ESRP1: variants seen among roughly 807,000 people sequenced by gnomAD.
ESRP1 encodes RNA-binding motif protein 35A.
A neutral mutation model predicts 81.7 loss-of-function variants in ESRP1; 33 were observed. The observed-to-expected ratio is 0.40, with a 90% CI of 0.31 to 0.54. The LOEUF is 0.54. ESRP1 is among the 20% of genes least tolerant of loss of function. The probability of loss-of-function intolerance (pLI) is 0.41; values close to 1 mark genes in which losing one functional copy is unlikely to be tolerated. For synonymous variants in ESRP1, 320 were observed against 303.3 expected, an observed-to-expected ratio of 1.06 and a Z score of -0.57; for missense variants, 672 against 833.1, an observed-to-expected ratio of 0.81 and a Z score of 2.38.
intron 8 of ESRP1, 39 bp from the exon 9 acceptor site, chr8:94,665,115 G>A (rs765244651): frequency 8.7e-6 from 14 of 1,613,466 alleles, no homozygotes; most frequent in East Asian, 4.5e-5. Flanking sequence ...AACATAGGAC[G>A]GAAGGCTCAG....
Position 94,674,311 on chromosome 8 carries a change from C to G in ESRP1, c.1456C>G (p.Arg486Gly). ...GVHMVLNHQGRPSGDAFIQMK... is the reference protein window; with the variant it reads ...GVHMVLNHQGGPSGDAFIQMK... ...TATTCTTCCCCCACACACTCAGGGC[C>G]GCCCATCAGGAGATGCCTTTATCCA... is the stretch of plus-strand genomic sequence containing the variant. The change falls in exon 12 of 16, where the codon CGC becomes GGC. Residue 486 changes from arginine to glycine, a missense_variant. Arg to Gly is a moderately radical substitution (Grantham distance 125). Coordinates refer to ENST00000433389, the MANE Select transcript of ESRP1 (RefSeq NM_017697.4). 1 of 1,613,326 alleles carries G rather than the reference C, an allele frequency of 6.2e-7. No homozygotes were observed. The highest frequency in any genetic ancestry group is 8.5e-7 in the Non-Finnish European group (1 of 1,179,718).
chr8:94,676,190 C>G (rs1250323021), intron 12 of ESRP1, among the ~76,000 whole-genome samples: 2 of 151,808 alleles, frequency 1.3e-5, no homozygotes, highest in Non-Finnish European at 2.9e-5. Flanking sequence ...GTGAAACCCC[C>G]TCTCTACTAA....
intron 4 of ESRP1, among the ~76,000 whole-genome samples, chr8:94,651,987 C>CTTTTTTTTTTTTTTT (rs35903773): frequency 4.6e-5 from 3 of 65,222 alleles, no homozygotes; most frequent in Admixed American, 2.2e-4. Context: ...TCTAAAACGC[C>CTTTTTTTTTTTTTTT]TTTTTTTTTT....
intron 12 of ESRP1, among the ~76,000 whole-genome samples, chr8:94,675,068 T>TG: frequency 6.6e-6 from 1 of 152,364 alleles, no homozygotes; most frequent in Non-Finnish European, 1.5e-5. Flanking sequence ...AAGTTTCCAT[T>TG]GGATCACAGG....
chr8:94,655,017 G>C (rs1818325209), intron 4 of ESRP1, among the ~76,000 whole-genome samples: 1 of 151,630 alleles, frequency 6.6e-6, no homozygotes, highest in Non-Finnish European at 1.5e-5. Context: ...GACAAAACTA[G>C]GGTTTTAAGT....
At chr8:94,641,557 G>A in intron 1 of ESRP1, 107 bp downstream of exon 1, 3 of 1,478,092 alleles carry the variant, frequency 2.0e-6, no homozygotes, top group Admixed American at 1.7e-5. Context: ...GCTCTTGTTT[G>A]CCCACTTGTG....
chr8:94,680,497 G>T (rs1586230014), intron 13 of ESRP1, among the ~76,000 whole-genome samples: 1 of 152,098 alleles, frequency 6.6e-6, no homozygotes, highest in South Asian at 2.1e-4. Context: ...GCGTGATCTT[G>T]TCTCACCACA....
intron 13 of ESRP1, among the ~76,000 whole-genome samples, chr8:94,684,928 C>T (rs1809076367): frequency 6.6e-6 from 1 of 151,524 alleles, no homozygotes; most frequent in Non-Finnish European, 1.5e-5. Context: ...ACCTGGGAGG[C>T]TGAGGCTAGA....
rs1182868166 is a variant in ESRP1 at position 94,668,092 on chromosome 8, A to G, written c.1075A>G (p.Ile359Val). 3 of 1,613,908 alleles carry G rather than the reference A, an allele frequency of 1.9e-6. No homozygotes were observed. The highest frequency in any genetic ancestry group is 2.5e-6 in the Non-Finnish European group (3 of 1,179,890). The part of the protein sequence containing the change: ...HCPITGGKEG[I>V]LFVTYPDGRP... ...CCCTATTACTGGGGGAAAGGAAGGC[A>G]TCCTCTTTGTCACCTACCCAGATGG... Residue 359 changes from isoleucine to valine, a missense_variant, in exon 10 of 16, where the codon ATC becomes GTC. Physicochemically the swap from Ile to Val is conservative, Grantham distance 29 (BLOSUM62 3). Transcript: ENST00000433389.
chr8:94,641,466 T>C lies in ESRP1; in HGVS notation c.132+16T>C, dbSNP rs762341238. On this transcript the variant is annotated intron_variant, in intron 1 of 15. Transcript: ENST00000433389. ...CAACAAGAAGGTATTTCTCCACATT[T>C]TCGTCTAAATGCAAGGAATGGGGCA... The C allele has an allele frequency of 6.2e-7, 1 of 1,613,662 alleles. No homozygotes were observed. Among genetic ancestry groups the C allele is most frequent in the South Asian group, 1.1e-5 (1 of 91,066 alleles).
rs191499237 is a variant in ESRP1 at position 94,652,843 on chromosome 8, T to A, written c.490+6561T>A. On this transcript the variant is annotated intron_variant, in intron 4 of 15. Coordinates refer to ENST00000433389, the MANE Select transcript of ESRP1 (RefSeq NM_017697.4). ...TCAGTGGGGAGCTTTCATCCCCATT[T>A]TATCACTAGGGAAACTGAGGCTTAG... Among the ~76,000 whole-genome samples the A allele has an allele frequency of 1.3e-5, 2 of 152,322 alleles. 1 individual carries two copies. Among genetic ancestry groups the A allele is most frequent in the Admixed American group, 1.3e-4 (2 of 15,306 alleles).
intron 10 of ESRP1, chr8:94,668,500 A>C (rs1281577963): frequency 1.7e-5 from 5 of 297,578 alleles, no homozygotes; most frequent in Non-Finnish European, 3.1e-5. Flanking sequence ...TCTGTTTTAA[A>C]ACTATGAAAG....
In ESRP1 at chr8:94,641,324, G is replaced by A. The variant is rs762693439; in HGVS notation, c.6G>A (p.Thr2=). The change falls in exon 1 of 16, where the codon ACG becomes ACA. Residue 2 remains threonine, a synonymous_variant. Coordinates refer to ENST00000433389, the MANE Select transcript of ESRP1 (RefSeq NM_017697.4). ...CCCCCTCCCCACCTATCGTCATGAC[G>A]GCCTCTCCGGATTACTTGGTGGTGC... M[T]ASPDYLVVLF... is the part of the protein sequence containing the mutation. The A allele has an allele frequency of 6.2e-7, 1 of 1,605,006 alleles. No individual in the cohort carries two copies. Among genetic ancestry groups the A allele is most frequent in the African/African-American group, 1.3e-5 (1 of 74,414 alleles).
chr8:94,650,984 C>T (rs1467895501), intron 4 of ESRP1, among the ~76,000 whole-genome samples: 1 of 152,156 alleles, frequency 6.6e-6, no homozygotes, highest in Non-Finnish European at 1.5e-5. Context: ...AGATTATAGG[C>T]GTGAGCCACC....
chr8:94,665,489 T>G (rs1326367542), intron 9 of ESRP1, among the ~76,000 whole-genome samples: 1 of 152,012 alleles, frequency 6.6e-6, no homozygotes, highest in Admixed American at 6.6e-5. Context: ...AAAGGCTAGG[T>G]TTTTTTGTTT....
chr8:94,678,914 C>G (rs536393743), intron 13 of ESRP1, among the ~76,000 whole-genome samples: 2 of 152,136 alleles, frequency 1.3e-5, no homozygotes, highest in Non-Finnish European at 2.9e-5. Context: ...TTCAATTTCT[C>G]GGACATAGCA....
At chr8:94,652,480 T>G (rs1347256753) in intron 4 of ESRP1, among the ~76,000 whole-genome samples, 1 of 99,106 alleles carries the variant, frequency 1.0e-5, no homozygotes, top group African/African-American at 4.9e-5. Flanking sequence ...GCTTCTGTGG[T>G]TTTTTTTTTT....
chr8:94,695,723 A>T (rs2130725300), intron 14 of ESRP1, among the ~76,000 whole-genome samples: 1 of 146,148 alleles, frequency 6.8e-6, no homozygotes, highest in South Asian at 2.1e-4. Context: ...ATCAAATATA[A>T]TTTTTTTATG....
rs77843571 is a variant in ESRP1, at chr8:94,674,349, G to A, written c.1494G>A (p.Ala498=). 2.3e-4 allele frequency: 364 copies of A among 1,613,866 alleles called. No individual in the cohort carries two copies. Among genetic ancestry groups the A allele is most frequent in the African/African-American group, 1.3e-3 (97 of 75,012 alleles). Residue 498 remains alanine (A), a synonymous_variant, in exon 12 of 16, where the codon GCG becomes GCA. Transcript: ENST00000433389. The part of the protein sequence containing the change: ...SGDAFIQMKS[A]DRAFMAAQKC... The stretch of plus-strand genomic sequence containing the variant: ...ATGCCTTTATCCAGATGAAGTCTGC[G>A]GACAGAGCATTTATGGCTGCACAGA...
Sources: allele counts gnomAD v4.1 joint callset (sites outside exome capture counted in the v4.1 genomes callset), GRCh38; gene constraint gnomAD v4.1.1; transcripts MANE v1.5; gene names NCBI Gene and HGNC (gene_info 2026-07-23, HGNC 2026-07-21).